The following PRKG1 variants were observed in gnomAD, a reference collection of about 807,000 sequenced individuals.
PRKG1 encodes the protein protein kinase cGMP-dependent 1.
A neutral mutation model predicts 88.1 loss-of-function variants in PRKG1; 35 were observed. That is an observed-to-expected ratio of 0.40 (90% CI 0.30 to 0.53). The LOEUF is 0.53. Among genes scored for constraint, PRKG1 ranks in the 20% least tolerant of loss-of-function variants. The probability of loss-of-function intolerance (pLI) is 0.59; values close to 1 mark genes in which losing one functional copy is unlikely to be tolerated. For missense variants in PRKG1, 540 were observed against 839.8 expected (o/e 0.64, Z 4.41); for synonymous variants, 303 against 292.5 (o/e 1.04, Z -0.37).
chr10:51,628,651 C>G (rs1477333239), intron 3 of PRKG1, among the ~76,000 whole-genome samples: 1 of 152,144 alleles, frequency 6.6e-6, no homozygotes, highest in Non-Finnish European at 1.5e-5. Flanking sequence ...AATCAAAAAG[C>G]TTTCAAGTTT....
intron 7 of PRKG1, among the ~76,000 whole-genome samples, chr10:52,132,143 T>C (rs77733913): frequency 1.3e-3 from 201 of 152,268 alleles, no homozygotes; most frequent in African/African-American, 4.8e-3. Flanking sequence ...TATGAAATTA[T>C]ATCTGAACAA....
At chr10:51,941,484 G>A (rs930822153) in intron 5 of PRKG1, among the ~76,000 whole-genome samples, 1 of 151,266 alleles carries the variant, frequency 6.6e-6, no homozygotes, top group Non-Finnish European at 1.5e-5. Flanking sequence ...TAAGTTTTAG[G>A]GTACATGTGC....
At chr10:52,258,197 C>T (rs1208288389) in intron 10 of PRKG1, among the ~76,000 whole-genome samples, 1 of 138,398 alleles carries the variant, frequency 7.2e-6, no homozygotes, top group African/African-American at 2.5e-5. Context: ...ATAGTTTCTC[C>T]TCTAAACCTG....
At chr10:52,158,884 G>T (rs556062662) in intron 8 of PRKG1, among the ~76,000 whole-genome samples, 2 of 151,350 alleles carry the variant, frequency 1.3e-5, no homozygotes, top group South Asian at 2.1e-4. Context: ...TGTGTAAAAG[G>T]TCTCCAACTC....
chr10:51,130,626 A>G (rs1214801224), intron 1 of PRKG1, among the ~76,000 whole-genome samples: 1 of 152,122 alleles, frequency 6.6e-6, no homozygotes, highest in African/African-American at 2.4e-5. Context: ...TGGTTGAACA[A>G]TAAAATATAA....
At chr10:51,435,425 C>CAT (rs56689011) in intron 2 of PRKG1, among the ~76,000 whole-genome samples, 67 of 144,286 alleles carry the variant, frequency 4.6e-4, no homozygotes, top group South Asian at 8.8e-4. Context: ...ACATTACTGA[C>CAT]ATATATATAT....
chr10:52,026,915 C>T (rs565622295), intron 5 of PRKG1, among the ~76,000 whole-genome samples: 2 of 152,164 alleles, frequency 1.3e-5, no homozygotes, highest in Admixed American at 1.3e-4. Context: ...GTGGAGCTTG[C>T]AATGAGCCGA....
At chr10:51,660,040 C>T (rs1364942670) in intron 3 of PRKG1, among the ~76,000 whole-genome samples, 3 of 150,344 alleles carry the variant, frequency 2.0e-5, no homozygotes, top group Non-Finnish European at 3.0e-5. Flanking sequence ...TGAGATATGT[C>T]GCTCTATAGA....
intron 1 of PRKG1, among the ~76,000 whole-genome samples, chr10:51,076,921 T>G (rs1239428523): frequency 6.6e-6 from 1 of 152,208 alleles, no homozygotes; most frequent in Non-Finnish European, 1.5e-5. Context: ...GCTCTTAAGG[T>G]ATTGCCATGA....
intron 2 of PRKG1, among the ~76,000 whole-genome samples, chr10:51,209,222 A>G (rs1838148695): frequency 6.6e-6 from 1 of 152,100 alleles, no homozygotes. Context: ...TTTCTCCTGT[A>G]AAGTGTGCAG....
At chr10:51,337,602 C>T (rs1219095766) in intron 2 of PRKG1, among the ~76,000 whole-genome samples, 1 of 152,008 alleles carries the variant, frequency 6.6e-6, no homozygotes, top group East Asian at 1.9e-4. Context: ...CATGAAGGGA[C>T]ACTTCTCAAA....
chr10:51,813,661 C>G (rs1839513023), intron 4 of PRKG1, among the ~76,000 whole-genome samples: 1 of 152,120 alleles, frequency 6.6e-6, no homozygotes, highest in Non-Finnish European at 1.5e-5. Flanking sequence ...AAACTCCACC[C>G]TATACTGCCT....
At chr10:51,374,138 T>G (rs1842768230) in intron 2 of PRKG1, among the ~76,000 whole-genome samples, 1 of 138,376 alleles carries the variant, frequency 7.2e-6, no homozygotes, top group Non-Finnish European at 1.6e-5. Flanking sequence ...GGGATACATG[T>G]GCAAAACATG....
At chr10:51,454,738 C>T (rs1588974147) in intron 2 of PRKG1, among the ~76,000 whole-genome samples, 2 of 152,294 alleles carry the variant, frequency 1.3e-5, no homozygotes, top group South Asian at 4.1e-4. Flanking sequence ...AACTTATTCA[C>T]TACCATGAGA....
chr10:51,285,236 A>T (rs1473781435), intron 2 of PRKG1, among the ~76,000 whole-genome samples: 1 of 151,876 alleles, frequency 6.6e-6, no homozygotes, highest in Non-Finnish European at 1.5e-5. Flanking sequence ...TTTTCATTGC[A>T]CTGAACAATG....
intron 3 of PRKG1, among the ~76,000 whole-genome samples, chr10:51,528,474 ACTGT>A (rs1326264216): frequency 4.7e-5 from 7 of 148,736 alleles, no homozygotes; most frequent in Non-Finnish European, 9.0e-5. Flanking sequence ...ATATTTTAAG[ACTGT>A]CTATCTTCTT....
Position 51,446,314 on chromosome 10 carries a change from A to G in PRKG1, c.479-21409A>G, listed in dbSNP as rs116060229. Among the ~76,000 whole-genome samples, 411 of 152,016 alleles carry G rather than the reference A, an allele frequency of 2.7e-3. 1 individual carries two copies. The highest frequency in any genetic ancestry group is 9.4e-3 in the African/African-American group (389 of 41,518). On this transcript the variant is annotated intron_variant, in intron 2 of 17. Coordinates refer to ENST00000373980, the MANE Select transcript of PRKG1 (RefSeq NM_006258.4). ...CCTAGATACATAAAATGAGAGAAGTAACATGTTTGCCTAATTTCTTTGGTT... is the reference window on the plus strand; with the variant it reads ...CCTAGATACATAAAATGAGAGAAGTGACATGTTTGCCTAATTTCTTTGGTT...
intron 3 of PRKG1, chr10:51,698,426 G>C: frequency 6.2e-7 from 1 of 1,614,094 alleles, no homozygotes; most frequent in Non-Finnish European, 8.5e-7. Flanking sequence ...ATGTGAGGAA[G>C]GGCCACGAGT....
chr10:51,752,945 G>A (rs1837764292), intron 3 of PRKG1, among the ~76,000 whole-genome samples: 1 of 152,004 alleles, frequency 6.6e-6, no homozygotes, highest in African/African-American at 2.4e-5. Context: ...TGATTTTACT[G>A]TCTATAACAT....
Sources: allele counts gnomAD v4.1 joint callset (sites outside exome capture counted in the v4.1 genomes callset), GRCh38; gene constraint gnomAD v4.1.1; transcripts MANE v1.5; gene names NCBI Gene and HGNC (gene_info 2026-07-23, HGNC 2026-07-21).